COPZ2: variants seen among roughly 807,000 people sequenced by gnomAD.
The protein encoded by COPZ2 is coatomer subunit zeta-2.
In COPZ2, 30 loss-of-function variants were observed where a neutral mutation model predicts 33.2. The observed-to-expected ratio is 0.90, with a 90% confidence interval of 0.68 to 1.23. COPZ2 has a LOEUF of 1.23. Among genes scored for constraint, COPZ2 ranks in the 50% most tolerant of loss-of-function variants. The pLI is 0.00. For synonymous variants in COPZ2, 89 were observed against 102.6 expected (o/e 0.87, Z 0.80); for missense variants, 263 against 262.4 (o/e 1.00, Z -0.02).
upstream of COPZ2, among the ~76,000 whole-genome samples, chr17:48,042,423 C>A (rs554440394): frequency 2.6e-5 from 4 of 152,014 alleles, no homozygotes; most frequent in Non-Finnish European, 5.9e-5. Context: ...CGTGAACCAC[C>A]GCGCCTGGCC....
At chr17:48,044,460 A>T in the COPZ2 span, among the ~76,000 whole-genome samples, 1 of 114,788 alleles carries the variant, frequency 8.7e-6, no homozygotes, top group Non-Finnish European at 1.7e-5. Flanking sequence ...CAACCTAGTG[A>T]TTCTCTACTC....
chr17:48,045,064 C>A, the COPZ2 span: 1 of 152,148 alleles, frequency 6.6e-6, no homozygotes, highest in Admixed American at 6.6e-5. Context: ...ATCGGGTGAT[C>A]TTTCCACCTC....
rs1434420789 is a variant in COPZ2 at position 48,026,465 on chromosome 17, G to C, written c.596C>G (p.Ser199Cys). The C allele has an allele frequency of 1.9e-6, 3 of 1,612,294 alleles. No individual in the cohort carries two copies. Among genetic ancestry groups the C allele is most frequent in the Admixed American group, 1.7e-5 (1 of 59,998 alleles). Residue 199 changes from serine to cysteine, a missense_variant, in exon 9 of 9, where the codon TCT becomes TGT. Physicochemically the swap from Ser to Cys is moderately radical, Grantham distance 112 (BLOSUM62 -1). Transcript: ENST00000621465. ...TEQSVAQVLQ[S>C]AKEQIKWSLL... is the part of the protein sequence containing the mutation. ...CGACCATTTAATTTGTTCCTTGGCA[G>C]ACTGAAGAACCTGGGGTGGGGTGGG... is the stretch of plus-strand genomic sequence containing the variant.
At chr17:48,032,848 G>A (rs2036914785) in intron 4 of COPZ2, 107 bp from the exon 5 acceptor site, 5 of 883,690 alleles carry the variant, frequency 5.7e-6, no homozygotes. Flanking sequence ...AGTTTCAGAG[G>A]CCTGGGCTGG....
At position 48,028,117 on chromosome 17, in the gene COPZ2, G is replaced by A. The variant is rs917647727; in HGVS notation, c.585+355C>T. Among the ~76,000 whole-genome samples, 4 of 152,192 alleles carry A rather than the reference G, an allele frequency of 2.6e-5. No individual in the cohort carries two copies. The highest frequency in any genetic ancestry group is 5.9e-5 in the Non-Finnish European group (4 of 68,036). On this transcript the variant is annotated intron_variant, in intron 8 of 8. Transcript: ENST00000621465. The surrounding 1 kb of genome is among the most constrained non-coding windows in gnomAD (Gnocchi z 4.5). ...GTACCCTTTCCAGGTTTCGGTAGAG[G>A]GCGCATCAGAGGCCTGAGTTCCCAG...
rs774344550 is a variant in COPZ2 at position 48,033,928 on chromosome 17, A to C, written c.203T>G (p.Phe68Cys). 1 of 1,609,576 alleles carries C rather than the reference A, an allele frequency of 6.2e-7. No homozygotes were observed. Among genetic ancestry groups the C allele is most frequent in the Non-Finnish European group, 8.5e-7 (1 of 1,177,468 alleles). Reference protein sequence around the residue: ...RLLAKYYDDTFPSMKEQMVFE... With the variant: ...RLLAKYYDDTCPSMKEQMVFE... ...AACCATCTGCTCCTTCATGGAGGGGAATGTGTCATCATAATACTATGAGAA... is the reference window on the plus strand; with the variant it reads ...AACCATCTGCTCCTTCATGGAGGGGCATGTGTCATCATAATACTATGAGAA... Residue 68 changes from phenylalanine (F) to cysteine (C), a missense_variant, in exon 3 of 9, where the codon TTC (phenylalanine) becomes TGC (cysteine). Transcript: ENST00000621465.
intron 8 of COPZ2, among the ~76,000 whole-genome samples, chr17:48,026,728 G>A (rs1401259127): frequency 2.6e-5 from 4 of 152,244 alleles, no homozygotes; most frequent in Non-Finnish European, 5.9e-5. Context: ...CATCTGCAGC[G>A]TGGGTGTGGC....
chr17:48,037,389 G>A lies in COPZ2; in HGVS notation c.111+278C>T, dbSNP rs1364310758. 2 of 324,528 alleles carry A rather than the reference G, an allele frequency of 6.2e-6. No homozygotes were observed. The highest frequency in any genetic ancestry group is 4.8e-5 in the Admixed American group (1 of 20,648). 20.1% of individuals were successfully genotyped at this position (324,528 alleles called of 1,614,324 possible). ...ATGGGAGCCGAGTCTGGGACGGACAGGCCACTCCTTACCCTCCCCGCGGAA... is the reference window on the plus strand; with the variant it reads ...ATGGGAGCCGAGTCTGGGACGGACAAGCCACTCCTTACCCTCCCCGCGGAA... On this transcript the variant is annotated intron_variant, in intron 1 of 8. Transcript: ENST00000621465. The surrounding 1 kb of genome is among the most constrained non-coding windows in gnomAD (Gnocchi z 5.6).
intron 5 of COPZ2, 61 bp downstream of exon 5, chr17:48,032,625 G>A: frequency 2.3e-6 from 3 of 1,293,678 alleles, no homozygotes; most frequent in Non-Finnish European, 3.3e-6. Flanking sequence ...AGGGAGGAAG[G>A]GTCCTGTGAC....
At chr17:48,044,584 C>T in the COPZ2 span, among the ~76,000 whole-genome samples, 1 of 152,024 alleles carries the variant, frequency 6.6e-6, no homozygotes, top group African/African-American at 2.4e-5. Flanking sequence ...GTATTTCTTA[C>T]GAGCTACCCA....
chr17:48,036,939 G>C lies in COPZ2; in HGVS notation c.112-14C>G. On this transcript the variant is annotated splice_polypyrimidine_tract_variant and intron_variant, in intron 1 of 8. Transcript: ENST00000621465. ...AGGTTCCTGCAACTGACACCGGAGAGGAGAGTTCCGTTTGGCCCCTGACTC... is the reference window on the plus strand; with the variant it reads ...AGGTTCCTGCAACTGACACCGGAGACGAGAGTTCCGTTTGGCCCCTGACTC... 2.5e-6 allele frequency: 4 copies of C among 1,612,388 alleles called. No homozygotes were observed. The South Asian group carries it at 4.4e-5, about 18-fold the overall frequency.
intron 4 of COPZ2, 58 bp downstream of exon 4, chr17:48,033,153 A>G (rs1302032443): frequency 8.2e-7 from 1 of 1,224,860 alleles, no homozygotes; most frequent in South Asian, 1.3e-5. Context: ...CCAGATTCCA[A>G]ATAACAACAT....
the COPZ2 span, chr17:48,043,392 G>T: frequency 2.6e-6 from 1 of 381,608 alleles, no homozygotes; most frequent in Non-Finnish European, 3.6e-6. Flanking sequence ...TAGGATTTCA[G>T]CATCTGTTCT....
intron 2 of COPZ2, among the ~76,000 whole-genome samples, chr17:48,035,784 G>A (rs559876254): frequency 1.4e-3 from 193 of 134,136 alleles, no homozygotes; most frequent in African/African-American, 4.8e-3. Context: ...ACAGAGTTTC[G>A]CTCTTGTTGC....
At chr17:48,046,842 A>G in the COPZ2 span, 1 of 152,194 alleles carries the variant, frequency 6.6e-6, no homozygotes, top group African/African-American at 2.4e-5. Flanking sequence ...AGTGTCTACT[A>G]AGTTATAACA....
Position 48,032,226 on chromosome 17 carries a change from C to T in COPZ2, c.424G>A (p.Val142Met), listed in dbSNP as rs767504186. Reference protein sequence around the residue: ...ESLNHMLRKNVEKRWLLENMD... With the variant: ...ESLNHMLRKNMEKRWLLENMD... ...TTCTCCAGCAACCAGCGCTTCTCCA[C>T]GTTCTTCCTGAAGGTGGACACAAGC... The change falls in exon 6 of 9, where the codon GTG (valine) becomes ATG (methionine). Residue 142 changes from valine (V) to methionine (M), a missense_variant. Coordinates refer to ENST00000621465, the MANE Select transcript of COPZ2 (RefSeq NM_016429.4). The T allele has an allele frequency of 8.7e-6, 14 of 1,612,346 alleles. No individual in the cohort carries two copies. The highest frequency in any genetic ancestry group is 1.3e-5 in the African/African-American group (1 of 74,894).
upstream of COPZ2, chr17:48,037,915 C>A (rs868158995): frequency 8.7e-5 from 79 of 912,160 alleles, no homozygotes; most frequent in Middle Eastern, 3.3e-3. The surrounding 1 kb of genome is among the most constrained non-coding windows in gnomAD (Gnocchi z 5.6). Flanking sequence ...CGTTCTCCCC[C>A]ATCTCCCCTC....
chr17:48,033,034 A>T (rs2036917380), intron 4 of COPZ2, 177 bp downstream of exon 4: 2 of 603,660 alleles, frequency 3.3e-6, no homozygotes, highest in Non-Finnish European at 5.9e-6. Context: ...ACTAAGGGGC[A>T]TCGAAGATAC....
intron 3 of COPZ2, among the ~76,000 whole-genome samples, chr17:48,033,613 G>T (rs992964013): frequency 6.6e-6 from 1 of 152,174 alleles, no homozygotes; most frequent in African/African-American, 2.4e-5. Flanking sequence ...CAACACAGTT[G>T]GCCTCCTCAG....
Sources: allele counts gnomAD v4.1 joint callset (sites outside exome capture counted in the v4.1 genomes callset), GRCh38; gene constraint gnomAD v4.1.1; non-coding constraint Gnocchi (gnomAD v3.1); transcripts MANE v1.5; gene names NCBI Gene and HGNC (gene_info 2026-07-23, HGNC 2026-07-21).